Variants in RNF149 observed in about 807,000 individuals in gnomAD.
The protein encoded by RNF149 is E3 ubiquitin-protein ligase RNF149.
A neutral mutation model predicts 39.0 loss-of-function variants in RNF149; 21 were observed. That is an observed-to-expected ratio of 0.54 (90% CI 0.38 to 0.77). The LOEUF (loss-of-function observed/expected upper bound fraction) is 0.77, where lower values mean the gene tolerates loss of function less well. Ranked by LOEUF, RNF149 falls within the 30% of genes least tolerant of loss-of-function variation. The probability of loss-of-function intolerance (pLI) is 0.00; values close to 1 mark genes in which losing one functional copy is unlikely to be tolerated. For synonymous variants in RNF149, 209 were observed against 213.6 expected, an observed-to-expected ratio of 0.98 and a Z score of 0.19; for missense variants, 493 against 534.9, an observed-to-expected ratio of 0.92 and a Z score of 0.77.
intron 4 of RNF149, chr2:101,288,732 A>G: frequency 7.7e-6 from 3 of 388,930 alleles, no homozygotes; most frequent in East Asian, 1.1e-4. Flanking sequence ...TTAGAAGACT[A>G]AAAGTCAATC....
At chr2:101,303,567 C>CA (rs1280751183) in intron 1 of RNF149, among the ~76,000 whole-genome samples, 2 of 152,200 alleles carry the variant, frequency 1.3e-5, no homozygotes, top group Non-Finnish European at 2.9e-5. Flanking sequence ...CCCCTCTCAA[C>CA]ATGTGAACTC....
chr2:101,285,166 G>A (rs930695405), intron 5 of RNF149, among the ~76,000 whole-genome samples: 10 of 152,032 alleles, frequency 6.6e-5, no homozygotes, highest in African/African-American at 2.2e-4. Flanking sequence ...CCTAAGTGCC[G>A]GGATTACAGG....
At chr2:101,307,992 C>A in intron 1 of RNF149, 137 bp downstream of exon 1, 1 of 1,441,644 alleles carries the variant, frequency 6.9e-7, no homozygotes, top group East Asian at 2.6e-5. Flanking sequence ...GAGGGCTTCC[C>A]TGAAAGTTCC....
intron 4 of RNF149, among the ~76,000 whole-genome samples, chr2:101,288,215 T>G (rs905493264): frequency 1.6e-5 from 2 of 124,200 alleles, no homozygotes; most frequent in African/African-American, 6.0e-5. Context: ...ATAACCAGAA[T>G]AAAGGAAAGA....
intron 1 of RNF149, among the ~76,000 whole-genome samples, chr2:101,307,454 C>G (rs980566876): frequency 3.9e-5 from 6 of 152,224 alleles, no homozygotes; most frequent in Admixed American, 3.9e-4. Flanking sequence ...GCTGGGATTA[C>G]AGGCGTGAGC....
chr2:101,280,889 C>G (rs965424228), intron 6 of RNF149, among the ~76,000 whole-genome samples: 2 of 152,128 alleles, frequency 1.3e-5, no homozygotes, highest in Non-Finnish European at 2.9e-5. Flanking sequence ...AAAAAGTTAG[C>G]TAGATGTGGT....
intron 5 of RNF149, among the ~76,000 whole-genome samples, chr2:101,283,128 C>A (rs1442925141): frequency 6.6e-6 from 1 of 152,216 alleles, no homozygotes; most frequent in East Asian, 1.9e-4. Context: ...CCCAGCTCAA[C>A]TGCCCTCTCA....
intron 6 of RNF149, among the ~76,000 whole-genome samples, chr2:101,281,335 C>A (rs1419806737): frequency 6.6e-6 from 1 of 152,096 alleles, no homozygotes; most frequent in Non-Finnish European, 1.5e-5. Context: ...GACCCTTAAA[C>A]ACCTTTCGAT....
intron 6 of RNF149, among the ~76,000 whole-genome samples, chr2:101,277,612 C>T (rs980952659): frequency 1.3e-5 from 2 of 152,182 alleles, no homozygotes; most frequent in African/African-American, 2.4e-5. Context: ...TAGTCTCGAA[C>T]TCCTGACCTC....
In RNF149 at chr2:101,308,637, C is replaced by T. The variant is rs1453323178; in HGVS notation, c.-49G>A. On this transcript the variant is annotated 5_prime_UTR_variant, in exon 1 of 7. Coordinates refer to ENST00000295317, the MANE Select transcript of RNF149 (RefSeq NM_173647.4). ...GGGGAGTCAGGGTCACGCGCGAGTG[C>T]GGTGCAGTCGAAGAGCAGAGAGAAG... 2 of 1,427,498 alleles carry T rather than the reference C, an allele frequency of 1.4e-6. No homozygotes were observed. Among genetic ancestry groups the T allele is most frequent in the Non-Finnish European group, 1.8e-6 (2 of 1,089,436 alleles). The allele number at this position is 1,427,498 out of a possible 1,614,324, so 88.4% of individuals were successfully genotyped here. A position where few individuals can be genotyped will look rare whatever the true frequency, so the allele number is the denominator to read the frequency against.
rs112701837 is a variant in RNF149 at position 101,288,058 on chromosome 2, C to T, written c.863+915G>A. On this transcript the variant is annotated intron_variant, in intron 4 of 6. Transcript: ENST00000295317. The stretch of plus-strand genomic sequence containing the variant: ...TGTCACCCAGGCTGGAGTGCAGTGG[C>T]GTGATCTCAGCTCACTGCAACCTCT... Among the ~76,000 whole-genome samples, 948 of 151,384 alleles carry T rather than the reference C, an allele frequency of 6.3e-3. 4 individuals carry two copies. Among genetic ancestry groups the T allele is most frequent in the African/African-American group, 0.022 (905 of 41,260 alleles).
intron 6 of RNF149, 101 bp from the exon 7 acceptor site, chr2:101,277,382 G>T: frequency 7.0e-7 from 1 of 1,435,662 alleles, no homozygotes; most frequent in Non-Finnish European, 9.2e-7. Flanking sequence ...ATTCAAGATG[G>T]TAAACAGAAA....
At chr2:101,282,235 C>A (rs1573224796) in intron 5 of RNF149, among the ~76,000 whole-genome samples, 178 bp from the exon 6 acceptor site, 1 of 151,616 alleles carries the variant, frequency 6.6e-6, no homozygotes, top group East Asian at 1.9e-4. Context: ...TCCTTCTCGA[C>A]AACCAATCTC....
At chr2:101,282,187 T>C in intron 5 of RNF149, 130 bp from the exon 6 acceptor site, 5 of 1,334,794 alleles carry the variant, frequency 3.7e-6, no homozygotes, top group South Asian at 1.5e-5. Context: ...AAAAAGCACA[T>C]CAATGTCTCC....
At chr2:101,304,555 C>T (rs2104439522) in intron 1 of RNF149, among the ~76,000 whole-genome samples, 1 of 152,286 alleles carries the variant, frequency 6.6e-6, no homozygotes, top group Non-Finnish European at 1.5e-5. Flanking sequence ...CATGGGCAGG[C>T]CTGTGTCCTA....
downstream of RNF149, chr2:101,273,139 G>T: frequency 3.7e-6 from 5 of 1,350,208 alleles, no homozygotes; most frequent in Non-Finnish European, 4.9e-6. Flanking sequence ...GCCAAGTGGT[G>T]TGTGTTTTTA....
rs147840481 is a variant in RNF149, at chr2:101,295,069, A to G, written c.573T>C (p.His191=). The G allele has an allele frequency of 7.7e-5, 125 of 1,614,048 alleles. No individual in the cohort carries two copies. Among genetic ancestry groups the G allele is most frequent in the Non-Finnish European group, 9.6e-5 (113 of 1,180,036 alleles). The change falls in exon 2 of 7, where the codon CAT becomes CAC. Residue 191 remains histidine (H), a synonymous_variant. Coordinates refer to ENST00000295317, the MANE Select transcript of RNF149 (RefSeq NM_173647.4). ...ACTGACCGCTGATGAACTCCTGTAC[A>G]TGCCGGGTGCCAACCCCTATGGTCA... ...VTMTIGVGTR[H]VQEFISGQSV... is the part of the protein sequence containing the mutation.
Position 101,276,785 on chromosome 2 carries a change from CAAAA to C in RNF149, c.*449_*452del, listed in dbSNP as rs987587444. The C allele has an allele frequency of 2.0e-5, 20 of 986,574 alleles. No individual in the cohort carries two copies. The African/African-American group carries it at 2.6e-4, about 13-fold the overall frequency. The allele number at this position is 986,574 out of a possible 1,614,324, so 61.1% of individuals were successfully genotyped here. On this transcript the variant is annotated 3_prime_UTR_variant, in exon 7 of 7. Coordinates refer to ENST00000295317, the MANE Select transcript of RNF149 (RefSeq NM_173647.4). ...TTTCAAGTTCTTAAAAAAAAAACAACAAAAAAAACCTTTCCTCCAGGGAAAGCCC... is the reference window on the plus strand; with the variant it reads ...TTTCAAGTTCTTAAAAAAAAAACAACAAAACCTTTCCTCCAGGGAAAGCCC...
At chr2:101,273,212 G>C, downstream of RNF149, 1 of 1,036,722 alleles carries the variant, frequency 9.6e-7, no homozygotes, top group Non-Finnish European at 1.3e-6. Context: ...ACACCGAGGA[G>C]CCGAGGAAAC....
Sources: gnomAD v4.1 joint callset for allele counts (sites outside exome capture counted in the v4.1 genomes callset) on GRCh38, gnomAD v4.1.1 for gene constraint, MANE v1.5 for transcripts, NCBI Gene and HGNC (gene_info 2026-07-23, HGNC 2026-07-21) for gene names.